ITGA5: variants seen among roughly 807,000 people sequenced by gnomAD.
The protein encoded by ITGA5 is integrin alpha-5.
ITGA5 carries 55 observed loss-of-function variants against 146.3 expected under a neutral mutation model. That is an observed-to-expected ratio of 0.38 (90% confidence interval 0.30 to 0.47). ITGA5 has a LOEUF of 0.47. ITGA5 is among the 20% of genes least tolerant of loss of function. The pLI, the probability that ITGA5 is intolerant of heterozygous loss-of-function variation, is 0.99. For synonymous variants in ITGA5, 500 were observed against 531.8 expected (o/e 0.94, Z 0.82); for missense variants, 1,131 against 1,329.0 (o/e 0.85, Z 2.32).
chr12:54,400,149 TGGA>T, intron 25 of ITGA5: 1 of 573,586 alleles, frequency 1.7e-6, no homozygotes, highest in South Asian at 2.1e-5. Flanking sequence ...GAGATCACAC[TGGA>T]GGAGATGCTT....
chr12:54,414,011 CAG>C (rs1955976822), intron 1 of ITGA5, among the ~76,000 whole-genome samples: 1 of 152,346 alleles, frequency 6.6e-6, no homozygotes, highest in East Asian at 1.9e-4. Flanking sequence ...GGTTGCAAGA[CAG>C]AGAGTTTACA....
intron 29 of ITGA5, 92 bp from the exon 30 acceptor site, chr12:54,396,468 G>A: frequency 2.0e-6 from 2 of 988,660 alleles, no homozygotes; most frequent in Non-Finnish European, 3.2e-6. Context: ...GGACTCTAGT[G>A]CCTCCAACCT....
chr12:54,408,039 C>A, intron 7 of ITGA5, 71 bp downstream of exon 7: 1 of 1,591,378 alleles, frequency 6.3e-7, no homozygotes, highest in Non-Finnish European at 8.6e-7. Flanking sequence ...AGAGGGGAGG[C>A]GAGGGGGTGA....
chr12:54,409,864 CTTTT>C lies in ITGA5; in HGVS notation c.350-271_350-268del, dbSNP rs573055963. The C allele has an allele frequency of 3.6e-6, 1 of 280,928 alleles. No individual in the cohort carries two copies. Among genetic ancestry groups the C allele is most frequent in the Admixed American group, 5.1e-5 (1 of 19,646 alleles). 17.4% of individuals were successfully genotyped at this position (280,928 alleles called of 1,614,324 possible). ...CACACGCACACAGAACCTGGGCTTT[CTTTT>C]TTTTTTGAGATGGAGTCTCACTCTG... On this transcript the variant is annotated intron_variant, in intron 2 of 29. Transcript: ENST00000293379. The surrounding 1 kb of genome is among the most constrained non-coding windows in gnomAD (Gnocchi z 4.7).
At chr12:54,407,246 ATGT>A (rs1458553984) in intron 9 of ITGA5, among the ~76,000 whole-genome samples, 4 of 152,204 alleles carry the variant, frequency 2.6e-5, no homozygotes, top group African/African-American at 4.8e-5. Flanking sequence ...GCCTTAATAA[ATGT>A]TGTTAATTGA....
chr12:54,409,196 G>A lies in ITGA5; in HGVS notation c.583+36C>T, dbSNP rs1283057872. The A allele has an allele frequency of 6.3e-7, 1 of 1,589,222 alleles. No individual in the cohort carries two copies. Among genetic ancestry groups the A allele is most frequent in the South Asian group, 1.2e-5 (1 of 86,632 alleles). On this transcript the variant is annotated intron_variant, in intron 4 of 29. Coordinates refer to ENST00000293379, the MANE Select transcript of ITGA5 (RefSeq NM_002205.5). The surrounding 1 kb of genome is among the most constrained non-coding windows in gnomAD (Gnocchi z 4.7). Reference sequence around the variant, plus strand: ...GTGAGACACTTCAAGTATATGAGAAGGCAGACATGGGGCACAGGCCCCCTC... The same window carrying A: ...GTGAGACACTTCAAGTATATGAGAAAGCAGACATGGGGCACAGGCCCCCTC...
Position 54,411,838 on chromosome 12 carries a change from G to A in ITGA5, c.345C>T (p.Ser115=), listed in dbSNP as rs577834700. ...PTQCTPIEFD[S]KGSRLLESSL... ...CCCTGAATTTCACTGGCCTACCTTT[G>A]CTGTCAAATTCAATGGGGGTGCACT... Residue 115 remains serine, a synonymous_variant, in exon 2 of 30, where the codon AGC becomes AGT. Coordinates refer to ENST00000293379, the MANE Select transcript of ITGA5 (RefSeq NM_002205.5). 13 of 1,465,388 alleles carry A rather than the reference G, an allele frequency of 8.9e-6. No homozygotes were observed. Among genetic ancestry groups the A allele is most frequent in the Admixed American group, 6.7e-5 (3 of 44,680 alleles). The allele number at this position is 1,465,388 out of a possible 1,614,324, so 90.8% of individuals were successfully genotyped here. A position where few individuals can be genotyped will look rare whatever the true frequency, so the allele number is the denominator to read the frequency against.
intron 29 of ITGA5, 111 bp from the exon 30 acceptor site, chr12:54,396,487 T>G (rs1247829974): frequency 2.4e-6 from 2 of 830,380 alleles, no homozygotes; most frequent in African/African-American, 1.7e-5. Context: ...CTCTACATCC[T>G]GCAAAAGTGG....
intron 1 of ITGA5, chr12:54,413,370 G>T (rs1955970693): frequency 6.6e-6 from 1 of 152,548 alleles, no homozygotes; most frequent in African/African-American, 2.4e-5. Flanking sequence ...GGGGAGAGAA[G>T]GCAGGGTCCA....
intron 29 of ITGA5, 138 bp downstream of exon 29, chr12:54,397,227 A>T: frequency 3.5e-6 from 3 of 845,348 alleles, no homozygotes; most frequent in Non-Finnish European, 5.8e-6. Context: ...AAGGGTTAGG[A>T]TGGGATGCAT....
intron 2 of ITGA5, among the ~76,000 whole-genome samples, chr12:54,410,751 G>C (rs1472407470): frequency 6.7e-6 from 1 of 149,280 alleles, no homozygotes; most frequent in Non-Finnish European, 1.5e-5. Flanking sequence ...TCTTGAGACA[G>C]AGTCTTTCTC....
At chr12:54,404,291 T>C (rs1955831563) in intron 14 of ITGA5, 45 bp from the exon 15 acceptor site, 2 of 1,586,142 alleles carry the variant, frequency 1.3e-6, no homozygotes, top group African/African-American at 2.7e-5. Context: ...GACTCCTCTG[T>C]AACCTGGACA....
chr12:54,400,797 G>A (rs1351990312), intron 25 of ITGA5, 49 bp downstream of exon 25: 5 of 1,588,996 alleles, frequency 3.1e-6, no homozygotes, highest in African/African-American at 1.3e-5. Flanking sequence ...CCTCAGCCTT[G>A]GTCCTCTGAA....
At chr12:54,405,037 C>G in intron 12 of ITGA5, 129 bp downstream of exon 12, 1 of 1,197,572 alleles carries the variant, frequency 8.4e-7, no homozygotes, top group Non-Finnish European at 1.2e-6. Context: ...AAGACCCAGA[C>G]AGTGGGATTT....
chr12:54,400,787 C>G, intron 25 of ITGA5, 59 bp downstream of exon 25: 1 of 1,567,974 alleles, frequency 6.4e-7, no homozygotes, highest in Non-Finnish European at 8.7e-7. Context: ...TTCCCCAACC[C>G]CTCAGCCTTG....
At position 54,405,885 on chromosome 12, in the gene ITGA5, G is replaced by A. The variant is rs754360128; in HGVS notation, c.948C>T (p.Asn316=). Residue 316 remains asparagine, a synonymous_variant, in exon 10 of 30, where the codon AAC becomes AAT. Coordinates refer to ENST00000293379, the MANE Select transcript of ITGA5 (RefSeq NM_002205.5). ...GTATCCTTACCTGTTCCCCTGAGAA[G>A]TTGTAGAGGGATCGAATGTCTGAGC... ...LNGSDIRSLY[N]FSGEQMASYF... is the part of the protein sequence containing the mutation. 1.7e-5 allele frequency: 27 copies of A among 1,613,904 alleles called. No individual in the cohort carries two copies. The East Asian group carries it at 3.6e-4, about 21-fold the overall frequency.
chr12:54,408,814 G>A lies in ITGA5; in HGVS notation c.646-13C>T, dbSNP rs1397221621. 1.2e-6 allele frequency: 2 copies of A among 1,613,940 alleles called. No homozygotes were observed. Among genetic ancestry groups the A allele is most frequent in the Non-Finnish European group, 1.7e-6 (2 of 1,179,996 alleles). ...CCACACGGCCAGTCTGTGGGTGAAA[G>A]GAGGGGAGTCCAACATCTGGTCCCA... On this transcript the variant is annotated splice_polypyrimidine_tract_variant and intron_variant, in intron 5 of 29. Transcript: ENST00000293379.
rs1441874424 is a variant in ITGA5 at position 54,402,328 on chromosome 12, T to A, written c.1985A>T (p.Glu662Val). 3 of 1,611,216 alleles carry A rather than the reference T, an allele frequency of 1.9e-6. No individual in the cohort carries two copies. In the African/African-American group the frequency reaches 4.0e-5, roughly 22 times the overall value. Reference sequence around the variant, plus strand: ...GTCACCCAGGTACACATGGTTCTGCTCCCTGGAAGGGACACAGAGGGTAAG... The same window carrying A: ...GTCACCCAGGTACACATGGTTCTGCACCCTGGAAGGGACACAGAGGGTAAG... Reference protein sequence around the residue: ...VPDLQLEVFGEQNHVYLGDKN... With the variant: ...VPDLQLEVFGVQNHVYLGDKN... The change falls in exon 20 of 30, where the codon GAG (glutamate) becomes GTG (valine). Residue 662 changes from glutamate (E) to valine (V), a missense_variant and splice_region_variant. Physicochemically the swap from Glu to Val is moderately radical, Grantham distance 121. Around this residue, in one of 3 missense-constraint regions of ITGA5, gnomAD observed 889 missense variants for 1,021.5 expected, o/e 0.87. Coordinates refer to ENST00000293379, the MANE Select transcript of ITGA5 (RefSeq NM_002205.5).
chr12:54,398,830 T>A, intron 27 of ITGA5, 132 bp from the exon 28 acceptor site: 7 of 407,100 alleles, frequency 1.7e-5, no homozygotes, highest in East Asian at 1.1e-4. Flanking sequence ...TCTCTCTCTC[T>A]CTCTCTTTTT....
Sources: gnomAD v4.1 joint callset for allele counts (sites outside exome capture counted in the v4.1 genomes callset) on GRCh38, gnomAD v4.1.1 for gene constraint, gnomAD v4.1.1 regional missense constraint, Gnocchi (gnomAD v3.1) non-coding constraint, MANE v1.5 for transcripts, NCBI Gene and HGNC (gene_info 2026-07-23, HGNC 2026-07-21) for gene names.